Variants in CCDC102B observed in about 807,000 individuals in gnomAD.
The protein encoded by CCDC102B is coiled-coil domain containing 102B.
A neutral mutation model predicts 57.4 loss-of-function variants in CCDC102B; 75 were observed. That is an observed-to-expected ratio of 1.31 (90% CI 1.08 to 1.58). The LOEUF is 1.58. CCDC102B is among the 40% of genes most tolerant of loss of function. CCDC102B has a pLI of 0.00. For missense variants in CCDC102B, 636 were observed against 582.6 expected, an observed-to-expected ratio of 1.09 and a Z score of -0.94; for synonymous variants, 206 against 201.9, an observed-to-expected ratio of 1.02 and a Z score of -0.17.
chr18:68,836,254 G>A (rs1007124741), intron 1 of CCDC102B, among the ~76,000 whole-genome samples: 5 of 151,980 alleles, frequency 3.3e-5, no homozygotes, highest in Admixed American at 6.6e-5. Context: ...AATTGAATAC[G>A]AGCATTTTCT....
intron 6 of CCDC102B, among the ~76,000 whole-genome samples, chr18:68,941,587 G>T (rs1054091304): frequency 1.3e-5 from 2 of 152,062 alleles, no homozygotes; most frequent in African/African-American, 4.8e-5. Flanking sequence ...GTAAATGAAC[G>T]TCAATGTGAT....
upstream of CCDC102B, among the ~76,000 whole-genome samples, chr18:68,797,292 A>C (rs1400486066): frequency 6.6e-6 from 1 of 152,140 alleles, no homozygotes; most frequent in Non-Finnish European, 1.5e-5. Context: ...CCTAAATTTC[A>C]AATGTTGTTT....
chr18:68,758,904 A>G (rs1364272636), intron 2 of CCDC102B, among the ~76,000 whole-genome samples: 5 of 151,676 alleles, frequency 3.3e-5, no homozygotes, highest in Admixed American at 1.3e-4. Flanking sequence ...CAACAACTTA[A>G]AACAAGCAAA....
chr18:68,755,729 C>T, intron 2 of CCDC102B, among the ~76,000 whole-genome samples: 1 of 151,346 alleles, frequency 6.6e-6, no homozygotes, highest in East Asian at 1.9e-4. Context: ...ATATTAATTA[C>T]AAAATTGTAT....
intron 2 of CCDC102B, among the ~76,000 whole-genome samples, chr18:68,771,437 G>A (rs1219880368): frequency 2.0e-5 from 3 of 152,152 alleles, no homozygotes; most frequent in Non-Finnish European, 4.4e-5. Flanking sequence ...GCAAAATAAC[G>A]ATGACTGAAC....
chr18:68,897,099 T>C, intron 5 of CCDC102B, 120 bp from the exon 6 acceptor site: 1 of 710,302 alleles, frequency 1.4e-6, no homozygotes, highest in Non-Finnish European at 2.4e-6. Flanking sequence ...ATTTTCTTTT[T>C]AAAATTGTAT....
chr18:68,761,585 A>G (rs928704545), intron 2 of CCDC102B, among the ~76,000 whole-genome samples: 3 of 151,872 alleles, frequency 2.0e-5, no homozygotes, highest in African/African-American at 7.3e-5. Context: ...CTTCCTGGTG[A>G]GGTGAAGATT....
intron 1 of CCDC102B, among the ~76,000 whole-genome samples, chr18:68,716,254 C>G (rs1284850276): frequency 6.6e-6 from 1 of 151,304 alleles, no homozygotes; most frequent in Non-Finnish European, 1.5e-5. Flanking sequence ...AGCTTTTCTA[C>G]TTTCTTGGCA....
chr18:69,057,334 T>G (rs2052833957), downstream of CCDC102B, among the ~76,000 whole-genome samples: 1 of 152,082 alleles, frequency 6.6e-6, no homozygotes, highest in African/African-American at 2.4e-5. Context: ...TTTAGCTAGG[T>G]AGTGCTTCCA....
intron 2 of CCDC102B, chr18:68,721,477 C>G (rs1185262942): frequency 2.0e-5 from 3 of 152,134 alleles, no homozygotes; most frequent in Non-Finnish European, 4.4e-5. Flanking sequence ...ACAGGATGCA[C>G]TCTTCTGAAT....
At chr18:69,013,948 A>G (rs1214622177) in intron 7 of CCDC102B, among the ~76,000 whole-genome samples, 1 of 152,166 alleles carries the variant, frequency 6.6e-6, no homozygotes, top group African/African-American at 2.4e-5. Flanking sequence ...ATCAAACCTA[A>G]TGCTAAAGCT....
chr18:68,855,946 T>C (rs1197239472), intron 4 of CCDC102B, among the ~76,000 whole-genome samples: 3 of 152,150 alleles, frequency 2.0e-5, no homozygotes, highest in South Asian at 2.1e-4. Flanking sequence ...TTTTCTTAAG[T>C]GAAAATTTAG....
intron 6 of CCDC102B, among the ~76,000 whole-genome samples, chr18:68,903,272 G>C (rs185545499): frequency 3.3e-5 from 5 of 152,074 alleles, no homozygotes; most frequent in African/African-American, 1.2e-4. Flanking sequence ...CCATTTTTAT[G>C]CTCTTACACT....
At chr18:68,850,755 A>G (rs2038085607) in intron 4 of CCDC102B, among the ~76,000 whole-genome samples, 1 of 151,900 alleles carries the variant, frequency 6.6e-6, no homozygotes, top group South Asian at 2.1e-4. Context: ...GCTTTCATTC[A>G]TTTAATCAAA....
intron 6 of CCDC102B, among the ~76,000 whole-genome samples, chr18:68,958,939 A>C (rs1293785027): frequency 6.6e-6 from 1 of 152,114 alleles, no homozygotes; most frequent in Non-Finnish European, 1.5e-5. Context: ...AGATTTGTCA[A>C]AATAACTATT....
At chr18:69,022,223 AACACACACACACGCGTGCGTGTGC>A (rs2051861071) in intron 7 of CCDC102B, among the ~76,000 whole-genome samples, 1 of 100,550 alleles carries the variant, frequency 9.9e-6, no homozygotes, top group African/African-American at 4.4e-5. Context: ...ATATATATAT[AACACACACACACGCGTGCGTGTGC>A]ACACACACAC....
At chr18:68,885,953 T>C (rs1033945082) in intron 5 of CCDC102B, among the ~76,000 whole-genome samples, 1 of 151,930 alleles carries the variant, frequency 6.6e-6, no homozygotes, top group Non-Finnish European at 1.5e-5. Flanking sequence ...CATCGAAAAC[T>C]AAGCAAGAAA....
chr18:69,019,649 T>C (rs1458385474), intron 7 of CCDC102B, among the ~76,000 whole-genome samples: 1 of 152,088 alleles, frequency 6.6e-6, no homozygotes, highest in African/African-American at 2.4e-5. Context: ...GATTTTTACA[T>C]ATTGCATCAT....
chr18:68,936,842 TATA>T, intron 6 of CCDC102B, among the ~76,000 whole-genome samples: 1 of 150,552 alleles, frequency 6.6e-6, no homozygotes, highest in Middle Eastern at 3.5e-3. Context: ...TATATACATA[TATA>T]ATATATATAC....
Sources: gnomAD v4.1 joint callset for allele counts (sites outside exome capture counted in the v4.1 genomes callset) on GRCh38, gnomAD v4.1.1 for gene constraint, MANE v1.5 for transcripts, NCBI Gene and HGNC (gene_info 2026-07-23, HGNC 2026-07-21) for gene names.